Variants in NCKAP1 observed in about 807,000 individuals in gnomAD.
NCKAP1 encodes the protein nck-associated protein 1.
Under a neutral mutation model 151.2 loss-of-function variants are expected in NCKAP1, and 21 were observed. The ratio of observed to expected loss-of-function variants is 0.14; its 90% CI spans 0.10 to 0.20. The LOEUF is 0.20. NCKAP1 is among the 10% of genes least tolerant of loss of function. The pLI is 1.00. For missense variants in NCKAP1, 933 were observed against 1,352.1 expected (o/e 0.69, Z 4.86); for synonymous variants, 484 against 451.8 (o/e 1.07, Z -0.90).
At chr2:182,957,427 C>A in intron 19 of NCKAP1, 30 bp downstream of exon 19, 1 of 1,584,164 alleles carries the variant, frequency 6.3e-7, no homozygotes, top group Non-Finnish European at 8.5e-7. Flanking sequence ...TTACCTGGAG[C>A]AAAAAGGTAT....
At chr2:183,021,479 T>G (rs1018290297) in intron 2 of NCKAP1, among the ~76,000 whole-genome samples, 2 of 152,088 alleles carry the variant, frequency 1.3e-5, no homozygotes, top group African/African-American at 4.8e-5. Flanking sequence ...AGCATGGTGG[T>G]GCGCACCTGT....
chr2:182,982,725 T>C, intron 12 of NCKAP1, 96 bp downstream of exon 12: 1 of 771,056 alleles, frequency 1.3e-6, no homozygotes, highest in Non-Finnish European at 2.0e-6. Flanking sequence ...CTTAACAATA[T>C]TTTCAACTTA....
intron 23 of NCKAP1, among the ~76,000 whole-genome samples, chr2:182,949,500 AAC>A: frequency 6.6e-6 from 1 of 152,350 alleles, no homozygotes; most frequent in East Asian, 1.9e-4. Context: ...CCTTGAATAA[AAC>A]AGAGTTAAGA....
At chr2:182,945,476 CA>C (rs962450283) in intron 23 of NCKAP1, among the ~76,000 whole-genome samples, 3 of 151,970 alleles carry the variant, frequency 2.0e-5, no homozygotes, top group Non-Finnish European at 4.4e-5. Context: ...CCCCAAAACA[CA>C]AAACACTGTA....
At chr2:182,967,383 AAGT>A (rs1208352511) in intron 15 of NCKAP1, 22 bp from the exon 16 acceptor site, 1 of 1,577,486 alleles carries the variant, frequency 6.3e-7, no homozygotes, top group South Asian at 1.2e-5. Flanking sequence ...AAAAAAAAAA[AAGT>A]AGTTCAGGTA....
chr2:182,954,055 A>AC (rs1410223043), intron 20 of NCKAP1, among the ~76,000 whole-genome samples: 1 of 152,146 alleles, frequency 6.6e-6, no homozygotes, highest in East Asian at 1.9e-4. Flanking sequence ...ATAAACACCT[A>AC]CAATGTACTT....
At chr2:183,007,038 T>C (rs989727132) in intron 2 of NCKAP1, among the ~76,000 whole-genome samples, 4 of 152,154 alleles carry the variant, frequency 2.6e-5, no homozygotes, top group African/African-American at 9.7e-5. Flanking sequence ...ATCCAGCTAA[T>C]TTCTTTGTAT....
intron 1 of NCKAP1, among the ~76,000 whole-genome samples, chr2:183,025,836 C>CA (rs1698884118): frequency 6.6e-6 from 1 of 152,146 alleles, no homozygotes; most frequent in African/African-American, 2.4e-5. Flanking sequence ...CATAAACATG[C>CA]TTGAGGTAGT....
At chr2:182,999,490 C>CA (rs1287782741) in intron 6 of NCKAP1, among the ~76,000 whole-genome samples, 1 of 151,838 alleles carries the variant, frequency 6.6e-6, no homozygotes, top group Non-Finnish European at 1.5e-5. Flanking sequence ...ATTAAAAAGT[C>CA]AAAAAAATAA....
At chr2:182,938,028 T>C (rs1479419825) in intron 24 of NCKAP1, among the ~76,000 whole-genome samples, 1 of 152,228 alleles carries the variant, frequency 6.6e-6, no homozygotes, top group East Asian at 1.9e-4. Context: ...CGAGGACTTG[T>C]TAAAACACAG....
chr2:182,995,876 T>C (rs759667689), intron 6 of NCKAP1, 38 bp from the exon 7 acceptor site: 6 of 1,542,838 alleles, frequency 3.9e-6, no homozygotes, highest in Admixed American at 1.7e-5. Context: ...AGAATAATTT[T>C]CTTTCCTTTT....
chr2:183,020,079 A>C (rs77420910), intron 2 of NCKAP1, among the ~76,000 whole-genome samples: 3,125 of 152,254 alleles, frequency 0.021, 101 homozygotes, highest in African/African-American at 0.07. Flanking sequence ...AAAACAAAAA[A>C]CAAACAAAAC....
Position 182,962,146 on chromosome 2 carries a change from C to G in NCKAP1, c.1881+13G>C, listed in dbSNP as rs780394226. 3 of 1,580,474 alleles carry G rather than the reference C, an allele frequency of 1.9e-6. No homozygotes were observed. In the Admixed American group the frequency reaches 5.5e-5, roughly 29 times the overall value. On this transcript the variant is annotated intron_variant, in intron 18 of 30. Transcript: ENST00000361354. ...CAAAATTTCCTATCTGTTGGAAACA[C>G]TTAAATCATTACCTGGTCACTAAGG...
In NCKAP1 at chr2:182,942,154, C is replaced by A; in HGVS notation, c.2611G>T (p.Val871Leu). ...TGTGTTAACACATCAACATTCTCCA[C>A]CACAAGTTTCTAAAAAAAAAAGAAA... ...SQVAELKKLVVENVDVLTQMR... is the reference protein window; with the variant it reads ...SQVAELKKLVLENVDVLTQMR... The change falls in exon 24 of 31, where the codon GTG becomes TTG. Residue 871 changes from valine (V) to leucine (L), a missense_variant. Transcript: ENST00000361354. 6.2e-7 allele frequency: 1 copy of A among 1,610,596 alleles called. No individual in the cohort carries two copies. Among genetic ancestry groups the A allele is most frequent in the Non-Finnish European group, 8.5e-7 (1 of 1,178,166 alleles).
chr2:182,933,487 G>C (rs1363683319), intron 26 of NCKAP1, among the ~76,000 whole-genome samples: 1 of 148,308 alleles, frequency 6.7e-6, no homozygotes, highest in African/African-American at 2.5e-5. Flanking sequence ...TGCACCTCCT[G>C]GGTTCAAGAG....
rs1696509241 is a variant in NCKAP1 at position 182,919,047 on chromosome 2, T to C, written c.*6655A>G. 1 of 152,198 alleles carries C rather than the reference T, an allele frequency of 6.6e-6. No individual in the cohort carries two copies. The highest frequency in any genetic ancestry group is 2.1e-4 in the South Asian group (1 of 4,836). The allele number at this position is 152,198 out of a possible 1,614,324, so 9.4% of individuals were successfully genotyped here. A position where few individuals can be genotyped will look rare whatever the true frequency, so the allele number is the denominator to read the frequency against. ...TATCAATAAATGGGGGTCATCATGATATAGGATTACTGTGAAGACTAAAAG... is the reference window on the plus strand; with the variant it reads ...TATCAATAAATGGGGGTCATCATGACATAGGATTACTGTGAAGACTAAAAG... On this transcript the variant is annotated 3_prime_UTR_variant, in exon 31 of 31. Transcript: ENST00000361354.
chr2:182,981,197 G>C (rs1340134844), intron 13 of NCKAP1, 47 bp downstream of exon 13: 1 of 1,579,950 alleles, frequency 6.3e-7, no homozygotes, highest in Non-Finnish European at 8.7e-7. Context: ...TACTATCAAA[G>C]GTGGGAAGGA....
intron 23 of NCKAP1, among the ~76,000 whole-genome samples, chr2:182,948,445 G>A (rs74803422): frequency 0.013 from 1,996 of 152,146 alleles, 42 homozygotes; most frequent in African/African-American, 0.045. Flanking sequence ...ATATCTGAGC[G>A]AGAATACAGC....
At chr2:183,000,493 G>A (rs945540294) in intron 6 of NCKAP1, among the ~76,000 whole-genome samples, 1 of 151,984 alleles carries the variant, frequency 6.6e-6, no homozygotes, top group African/African-American at 2.4e-5. Context: ...AAAGAGGAGA[G>A]GAATAGAAAA....
Sources: allele counts gnomAD v4.1 joint callset (sites outside exome capture counted in the v4.1 genomes callset), GRCh38; gene constraint gnomAD v4.1.1; transcripts MANE v1.5; gene names NCBI Gene and HGNC (gene_info 2026-07-23, HGNC 2026-07-21).